TBC1D5: variants seen among roughly 807,000 people sequenced by gnomAD.
The protein encoded by TBC1D5 is TBC1 domain family member 5.
A neutral mutation model predicts 100.3 loss-of-function variants in TBC1D5; 75 were observed. That is an observed-to-expected ratio of 0.75 (90% confidence interval 0.62 to 0.91). The LOEUF is 0.91. Ranked by LOEUF, TBC1D5 falls within the 40% of genes least tolerant of loss-of-function variation. TBC1D5 has a pLI of 0.00. For missense variants in TBC1D5, 910 were observed against 942.4 expected (o/e 0.97, Z 0.45); for synonymous variants, 323 against 325.6 (o/e 0.99, Z 0.09).
chr3:17,643,118 C>T (rs1372721651), intron 1 of TBC1D5, among the ~76,000 whole-genome samples: 1 of 152,010 alleles, frequency 6.6e-6, no homozygotes, highest in Admixed American at 6.6e-5. Flanking sequence ...TAGCCTCCCC[C>T]AATCTGTGGG....
At chr3:17,176,987 G>A (rs2067832083) in intron 19 of TBC1D5, among the ~76,000 whole-genome samples, 1 of 152,134 alleles carries the variant, frequency 6.6e-6, no homozygotes, top group Admixed American at 6.5e-5. Flanking sequence ...GGCCACTGTG[G>A]TCACCCTTCA....
At chr3:17,157,800 T>C (rs2065722061) in exon 22 of TBC1D5, 1 of 152,264 alleles carries the variant, frequency 6.6e-6, no homozygotes, top group Non-Finnish European at 1.5e-5. Context: ...GAGTTTGATA[T>C]TTGTTCAGCA....
At chr3:17,264,483 T>A (rs1340020165) in intron 15 of TBC1D5, among the ~76,000 whole-genome samples, 2 of 152,172 alleles carry the variant, frequency 1.3e-5, no homozygotes, top group African/African-American at 4.8e-5. Flanking sequence ...CAAAAGAATA[T>A]CAATTCCAGA....
exon 21 of TBC1D5, chr3:17,166,849 G>C (rs139210370): frequency 6.2e-7 from 1 of 1,614,162 alleles, no homozygotes; most frequent in South Asian, 1.1e-5. Flanking sequence ...GTGGTTGTCC[G>C]CAATGGTGAT....
intron 18 of TBC1D5, among the ~76,000 whole-genome samples, chr3:17,197,471 G>A (rs973906257): frequency 6.6e-6 from 1 of 152,098 alleles, no homozygotes; most frequent in South Asian, 2.1e-4. Flanking sequence ...TGAACTCCTA[G>A]GTTTAAGCGA....
chr3:17,230,111 ATAG>A (rs1386000741), intron 17 of TBC1D5, among the ~76,000 whole-genome samples: 3 of 152,192 alleles, frequency 2.0e-5, no homozygotes, highest in African/African-American at 7.2e-5. Context: ...GCCAATCAAT[ATAG>A]TGCCATCTAT....
chr3:17,508,587 C>T (rs774547804), exon 3 of TBC1D5: 12 of 1,591,762 alleles, frequency 7.5e-6, no homozygotes, highest in East Asian at 2.2e-5. Context: ...AACTGGACAG[C>T]GTCACCAAAA....
intron 2 of TBC1D5, among the ~76,000 whole-genome samples, chr3:17,619,058 T>C (rs1487304970): frequency 1.3e-5 from 2 of 152,200 alleles, no homozygotes; most frequent in African/African-American, 2.4e-5. Context: ...AGAAAGCCCC[T>C]TTTTAATAGT....
chr3:17,468,599 A>T, intron 3 of TBC1D5, among the ~76,000 whole-genome samples: 1 of 152,024 alleles, frequency 6.6e-6, no homozygotes, highest in Non-Finnish European at 1.5e-5. Flanking sequence ...GAAGGCAGGG[A>T]TCTTTGTTAT....
At chr3:17,290,190 A>C (rs1182363149) in intron 15 of TBC1D5, among the ~76,000 whole-genome samples, 1 of 152,102 alleles carries the variant, frequency 6.6e-6, no homozygotes, top group Non-Finnish European at 1.5e-5. Context: ...TTTTGGATAC[A>C]CTATTATTTT....
chr3:17,694,207 C>T (rs1430335004), intron 1 of TBC1D5, among the ~76,000 whole-genome samples: 1 of 152,188 alleles, frequency 6.6e-6, no homozygotes, highest in African/African-American at 2.4e-5. Flanking sequence ...CATTGCAGCT[C>T]CTTGCCAGCA....
At chr3:17,515,385 C>T (rs1419540307) in intron 2 of TBC1D5, among the ~76,000 whole-genome samples, 1 of 152,122 alleles carries the variant, frequency 6.6e-6, no homozygotes, top group Non-Finnish European at 1.5e-5. Flanking sequence ...TGAAAGATAG[C>T]CTTTTCAATT....
intron 13 of TBC1D5, among the ~76,000 whole-genome samples, chr3:17,311,255 A>C (rs2083998718): frequency 6.6e-6 from 1 of 152,034 alleles, no homozygotes; most frequent in African/African-American, 2.4e-5. Context: ...TTATACTATC[A>C]ATCTTGCTTT....
intron 2 of TBC1D5, among the ~76,000 whole-genome samples, chr3:17,526,659 T>C (rs1017972241): frequency 5.9e-5 from 9 of 152,194 alleles, no homozygotes; most frequent in African/African-American, 2.2e-4. Flanking sequence ...ATTATATGAA[T>C]ATCCCTGAAG....
At chr3:17,423,914 A>G (rs2094277870) in intron 4 of TBC1D5, among the ~76,000 whole-genome samples, 1 of 152,210 alleles carries the variant, frequency 6.6e-6, no homozygotes, top group African/African-American at 2.4e-5. Flanking sequence ...AGCTTTCTCT[A>G]ACTAAATTGA....
intron 3 of TBC1D5, among the ~76,000 whole-genome samples, chr3:17,473,438 A>G (rs1227537372): frequency 1.3e-5 from 2 of 152,224 alleles, no homozygotes; most frequent in African/African-American, 2.4e-5. Flanking sequence ...TTGCAATACT[A>G]AAGATTCCCC....
intron 16 of TBC1D5, among the ~76,000 whole-genome samples, chr3:17,254,431 T>G (rs2077447868): frequency 6.6e-6 from 1 of 152,198 alleles, no homozygotes; most frequent in Admixed American, 6.5e-5. Context: ...AAATGTTATC[T>G]CATTGTGGTT....
At chr3:17,480,388 C>T (rs2095488281) in intron 3 of TBC1D5, among the ~76,000 whole-genome samples, 1 of 152,224 alleles carries the variant, frequency 6.6e-6, no homozygotes. Flanking sequence ...CAGGCTGTCA[C>T]TTCCAGGTGA....
intron 2 of TBC1D5, among the ~76,000 whole-genome samples, chr3:17,579,951 T>C (rs2096682982): frequency 6.6e-6 from 1 of 152,140 alleles, no homozygotes; most frequent in African/African-American, 2.4e-5. Context: ...CCCATATTTA[T>C]CAAGTGTGCT....
Sources: gnomAD v4.1 joint callset for allele counts (sites outside exome capture counted in the v4.1 genomes callset) on GRCh38, gnomAD v4.1.1 for gene constraint, MANE v1.5 for transcripts, NCBI Gene and HGNC (gene_info 2026-07-23, HGNC 2026-07-21) for gene names.